Variants in SCRG1 observed in about 807,000 individuals in gnomAD.
SCRG1 encodes the protein scrapie-responsive protein 1.
In SCRG1, 3 loss-of-function variants were observed where a neutral mutation model predicts 7.7. The ratio of observed to expected loss-of-function variants is 0.39; its 90% confidence interval spans 0.18 to 1.01. SCRG1 has a LOEUF of 1.01. Ranked by LOEUF, SCRG1 falls within the 50% of genes least tolerant of loss-of-function variation. SCRG1 has a pLI of 0.36. For missense variants in SCRG1, 110 were observed against 117.2 expected, an observed-to-expected ratio of 0.94 and a Z score of 0.28; for synonymous variants, 46 against 41.2, an observed-to-expected ratio of 1.12 and a Z score of -0.44.
At chr4:173,419,973 T>C in the SCRG1 span, 4 of 710,478 alleles carry the variant, frequency 5.6e-6, no homozygotes, top group South Asian at 4.3e-5. Flanking sequence ...ACCTGACAAA[T>C]GATATCTCTA....
At chr4:173,485,063 T>TATATAATATATA in the SCRG1 span, among the ~76,000 whole-genome samples, 1 of 6,720 alleles carries the variant, frequency 1.5e-4, no homozygotes, top group African/African-American at 3.8e-4. Context: ...TATTATATAT[T>TATATAATATATA]ATATATTATA....
the SCRG1 span, among the ~76,000 whole-genome samples, chr4:173,496,244 G>A: frequency 1.3e-5 from 2 of 152,052 alleles, no homozygotes; most frequent in African/African-American, 4.8e-5. Flanking sequence ...ACAGACTGGA[G>A]GGTACATTAA....
the SCRG1 span, among the ~76,000 whole-genome samples, chr4:173,517,347 A>G: frequency 6.6e-6 from 1 of 152,260 alleles, no homozygotes; most frequent in Non-Finnish European, 1.5e-5. Context: ...CAGCATGGGC[A>G]GTGAAAAGAA....
chr4:173,486,904 G>A, the SCRG1 span, among the ~76,000 whole-genome samples: 1 of 152,086 alleles, frequency 6.6e-6, no homozygotes, highest in African/African-American at 2.4e-5. Context: ...TTCCATTCAG[G>A]GCCTCCTTGT....
At chr4:173,399,507 T>TGTGTGA (rs1560833546), upstream of SCRG1, 2 of 73,458 alleles carry the variant, frequency 2.7e-5, no homozygotes, top group African/African-American at 4.6e-5. Flanking sequence ...TGTCTGTGTG[T>TGTGTGA]GAGAGAGAGA....
chr4:173,456,740 A>G, the SCRG1 span, among the ~76,000 whole-genome samples: 1 of 115,180 alleles, frequency 8.7e-6, no homozygotes, highest in Non-Finnish European at 1.8e-5. Context: ...AATTAGAGAA[A>G]ACAGCTCTAA....
chr4:173,484,751 T>TATGCATATA, the SCRG1 span, among the ~76,000 whole-genome samples: 61 of 88,954 alleles, frequency 6.9e-4, no homozygotes, highest in African/African-American at 1.1e-3. Flanking sequence ...TTATATATTA[T>TATGCATATA]ATACATATAA....
At chr4:173,420,006 G>A in the SCRG1 span, 1 of 679,182 alleles carries the variant, frequency 1.5e-6, no homozygotes, top group South Asian at 1.4e-5. Flanking sequence ...TGGGTGTGTT[G>A]TATTTATTTT....
chr4:173,465,691 A>G, the SCRG1 span, among the ~76,000 whole-genome samples: 37 of 151,740 alleles, frequency 2.4e-4, no homozygotes, highest in African/African-American at 8.0e-4. Flanking sequence ...GATTTTATAT[A>G]TAGATAAAAT....
upstream of SCRG1, among the ~76,000 whole-genome samples, chr4:173,408,259 G>GA (rs948901940): frequency 3.3e-5 from 5 of 152,012 alleles, no homozygotes; most frequent in African/African-American, 1.2e-4. Flanking sequence ...ACAATTCTAC[G>GA]AAAAAAACCC....
chr4:173,505,689 A>G, the SCRG1 span, among the ~76,000 whole-genome samples: 1 of 152,188 alleles, frequency 6.6e-6, no homozygotes, highest in Non-Finnish European at 1.5e-5. This position sits in a 1 kb window ranked among gnomAD's most constrained non-coding sequence, Gnocchi z 4.4. Context: ...TTTCAAATCC[A>G]TAATCTAAAG....
chr4:173,486,809 A>T, the SCRG1 span, among the ~76,000 whole-genome samples: 1 of 152,088 alleles, frequency 6.6e-6, no homozygotes, highest in East Asian at 1.9e-4. Context: ...AGACTAACAG[A>T]GTGTGTGTCT....
At chr4:173,412,541 G>A in the SCRG1 span, among the ~76,000 whole-genome samples, 1 of 152,308 alleles carries the variant, frequency 6.6e-6, no homozygotes, top group Admixed American at 6.5e-5. Flanking sequence ...AGCTGAAGCA[G>A]GAGAAAATCC....
the SCRG1 span, among the ~76,000 whole-genome samples, chr4:173,431,221 G>A: frequency 2.0e-5 from 3 of 152,168 alleles, no homozygotes; most frequent in African/African-American, 7.2e-5. Flanking sequence ...TTATTTGGGG[G>A]ACCACTTCCT....
chr4:173,427,525 G>A, the SCRG1 span, among the ~76,000 whole-genome samples: 3 of 152,196 alleles, frequency 2.0e-5, no homozygotes, highest in Admixed American at 6.5e-5. Context: ...TGCGAATGCC[G>A]TGATCTTGAG....
Position 173,391,211 on chromosome 4 carries a change from GATC to G in SCRG1, c.201_203del (p.Met67del), listed in dbSNP as rs1739430725. On this transcript the variant is annotated inframe_deletion, in exon 2 of 3. Transcript: ENST00000296506. Reference sequence around the variant, plus strand: ...GCAATTCGCTGAAGTTGCAGTAACAGATCATCTCACATCCCTTCCCATCCCAGA... The same window carrying G: ...GCAATTCGCTGAAGTTGCAGTAACAGATCTCACATCCCTTCCCATCCCAGA... The G allele has an allele frequency of 6.2e-7, 1 of 1,614,068 alleles. No individual in the cohort carries two copies. The highest frequency in any genetic ancestry group is 1.3e-5 in the African/African-American group (1 of 74,932).
chr4:173,503,841 C>T, the SCRG1 span, among the ~76,000 whole-genome samples: 1 of 152,156 alleles, frequency 6.6e-6, no homozygotes, highest in Non-Finnish European at 1.5e-5. The surrounding 1 kb of genome is among the most constrained non-coding windows in gnomAD (Gnocchi z 6.4). Context: ...CTCCCAACAG[C>T]TTTTAGGAGG....
the SCRG1 span, among the ~76,000 whole-genome samples, chr4:173,422,602 A>C: frequency 6.6e-6 from 1 of 152,196 alleles, no homozygotes; most frequent in East Asian, 1.9e-4. Context: ...AAAAGTCAAA[A>C]GGAAGGATAA....
At chr4:173,466,275 C>T in the SCRG1 span, among the ~76,000 whole-genome samples, 1 of 152,154 alleles carries the variant, frequency 6.6e-6, no homozygotes, top group Non-Finnish European at 1.5e-5. Flanking sequence ...TCAAATTAAT[C>T]ATGATATATT....
Sources: gnomAD v4.1 joint callset for allele counts (sites outside exome capture counted in the v4.1 genomes callset) on GRCh38, gnomAD v4.1.1 for gene constraint, Gnocchi (gnomAD v3.1) non-coding constraint, MANE v1.5 for transcripts, NCBI Gene and HGNC (gene_info 2026-07-23, HGNC 2026-07-21) for gene names.